The following BTAF1 variants were observed in gnomAD, a reference collection of about 807,000 sequenced individuals.
BTAF1 encodes TATA-binding protein-associated factor 172.
In BTAF1, 38 loss-of-function variants were observed where a neutral mutation model predicts 227.1. The ratio of observed to expected loss-of-function variants is 0.17; its 90% CI spans 0.13 to 0.22. The LOEUF is 0.22. BTAF1 is among the 10% of genes least tolerant of loss of function. BTAF1 has a pLI of 1.00. For synonymous variants in BTAF1, 742 were observed against 751.9 expected, an observed-to-expected ratio of 0.99 and a Z score of 0.21; for missense variants, 1,598 against 2,204.0, an observed-to-expected ratio of 0.73 and a Z score of 5.51.
In BTAF1 at chr10:91,966,728, C is replaced by G; in HGVS notation, c.1621C>G (p.Leu541Val). 1 of 1,614,000 alleles carries G rather than the reference C, an allele frequency of 6.2e-7. No homozygotes were observed. The highest frequency in any genetic ancestry group is 2.2e-5 in the East Asian group (1 of 44,864). Residue 541 changes from leucine (L) to valine (V), a missense_variant, in exon 14 of 38, where the codon CTG becomes GTG. This residue lies in a region of BTAF1 where 318 missense variants were observed against 435.0 expected (regional missense o/e 0.73). Coordinates refer to ENST00000265990, the MANE Select transcript of BTAF1 (RefSeq NM_003972.3). ...AGTTCGAAGAGCAGCATTGGAAACTCTGTTTACGTTATTATCAACACAGGA... is the reference window on the plus strand; with the variant it reads ...AGTTCGAAGAGCAGCATTGGAAACTGTGTTTACGTTATTATCAACACAGGA... ...SSVRRAALET[L>V]FTLLSTQDQN...
chr10:91,958,978 C>G, intron 8 of BTAF1, 87 bp from the exon 9 acceptor site: 2 of 1,148,142 alleles, frequency 1.7e-6, no homozygotes, highest in South Asian at 1.4e-5. Context: ...TCTTAAAAAT[C>G]CAGTATCCCT....
At chr10:92,014,829 T>TA (rs1294889025) in intron 32 of BTAF1, among the ~76,000 whole-genome samples, 5 of 152,180 alleles carry the variant, frequency 3.3e-5, no homozygotes, top group Non-Finnish European at 7.3e-5. Context: ...AGAGTGTACT[T>TA]ACACACACCT....
intron 35 of BTAF1, among the ~76,000 whole-genome samples, chr10:92,025,477 G>A (rs1851433803): frequency 6.6e-6 from 1 of 151,590 alleles, no homozygotes; most frequent in South Asian, 2.1e-4. Context: ...GTTCTGCTTA[G>A]TCCCAAAGCT....
Position 91,994,293 on chromosome 10 carries a change from CTG to C in BTAF1, c.3200-240_3200-239del, listed in dbSNP as rs1453577949. 2.1e-5 allele frequency among the ~76,000 whole-genome samples: 3 copies of C among 143,698 alleles called. No homozygotes were observed. The Admixed American group carries it at 2.1e-4, about 10-fold the overall frequency. The allele number at this position is 143,698 out of a possible 152,430, so 94.3% of individuals were successfully genotyped here. A position where few individuals can be genotyped will look rare whatever the true frequency, so the allele number is the denominator to read the frequency against. ...GCAGCCTGGATGACAGAGCGAGACTCTGTCTCAAAAAAAAAAAAAATTGTTTT... is the reference window on the plus strand; with the variant it reads ...GCAGCCTGGATGACAGAGCGAGACTCTCTCAAAAAAAAAAAAAATTGTTTT... On this transcript the variant is annotated intron_variant, in intron 22 of 37. Transcript: ENST00000265990.
intron 14 of BTAF1, among the ~76,000 whole-genome samples, chr10:91,969,831 G>A (rs994726045): frequency 3.9e-5 from 6 of 151,974 alleles, no homozygotes; most frequent in Admixed American, 3.9e-4. Context: ...GGGCATGATG[G>A]TGTCTGCCTG....
chr10:91,976,299 C>G (rs1008296859), intron 14 of BTAF1, among the ~76,000 whole-genome samples: 6 of 152,178 alleles, frequency 3.9e-5, no homozygotes, highest in Admixed American at 6.5e-5. Context: ...TGTGCACTCA[C>G]CAACCCATAA....
In BTAF1 at chr10:91,939,984, T is replaced by A; in HGVS notation, c.171T>A (p.Asp57Glu). The change falls in exon 3 of 38, where the codon GAT (aspartate) becomes GAA (glutamate). Residue 57 changes from aspartate to glutamate, a missense_variant. Physicochemically the swap from Asp to Glu is conservative, Grantham distance 45 (BLOSUM62 2). Coordinates refer to ENST00000265990, the MANE Select transcript of BTAF1 (RefSeq NM_003972.3). ...VLIYLRSANW[D>E]TRIAAGQAVE... ...TATATTTAAGGAGTGCAAATTGGGA[T>A]ACCCGGATTGCAGCAGGACAAGCTG... The A allele has an allele frequency of 6.2e-7, 1 of 1,612,918 alleles. No individual in the cohort carries two copies. The highest frequency in any genetic ancestry group is 8.5e-7 in the Non-Finnish European group (1 of 1,179,178).
chr10:92,009,195 A>G lies in BTAF1; in HGVS notation c.4090A>G (p.Thr1364Ala). The G allele has an allele frequency of 6.2e-7, 1 of 1,613,870 alleles. No homozygotes were observed. The highest frequency in any genetic ancestry group is 8.5e-7 in the Non-Finnish European group (1 of 1,179,888). The change falls in exon 28 of 38, where the codon ACT (threonine) becomes GCT (alanine). Residue 1364 changes from threonine to alanine, a missense_variant. Coordinates refer to ENST00000265990, the MANE Select transcript of BTAF1 (RefSeq NM_003972.3). The stretch of plus-strand genomic sequence containing the variant: ...CCCGTTGCATTACACTGGACCTCCC[A>G]CTGAAAGAATAAGGTAAGAGTTGTA... ...LNPLHYTGPP[T>A]ERIRLQHQVK...
chr10:91,932,275 G>A (rs1232281498), intron 1 of BTAF1, among the ~76,000 whole-genome samples: 2 of 152,192 alleles, frequency 1.3e-5, no homozygotes, highest in Non-Finnish European at 2.9e-5. Context: ...TGGGACAAGC[G>A]TAACTGCCTC....
rs746787818 is a variant in BTAF1, at chr10:92,013,909, T to C, written c.4464T>C (p.Ala1488=). ...SSREQEAGVL[A]MDALHRQVLP... Reference sequence around the variant, plus strand: ...TTTAACTATTAACAGGTGTTCTTGCTATGGATGCGCTGCACCGCCAAGTAC... The same window carrying C: ...TTTAACTATTAACAGGTGTTCTTGCCATGGATGCGCTGCACCGCCAAGTAC... Residue 1488 remains alanine, a synonymous_variant, in exon 32 of 38, where the codon GCT becomes GCC. Transcript: ENST00000265990. The C allele has an allele frequency of 6.2e-7, 1 of 1,613,676 alleles. No individual in the cohort carries two copies. Among genetic ancestry groups the C allele is most frequent in the East Asian group, 2.2e-5 (1 of 44,876 alleles).
At chr10:91,978,103 C>G (rs1589859574) in intron 14 of BTAF1, among the ~76,000 whole-genome samples, 1 of 152,150 alleles carries the variant, frequency 6.6e-6, no homozygotes, top group Non-Finnish European at 1.5e-5. Context: ...TGTCATGTAT[C>G]CACAATTACA....
chr10:91,933,003 G>A (rs1844376308), intron 1 of BTAF1, among the ~76,000 whole-genome samples: 1 of 152,152 alleles, frequency 6.6e-6, no homozygotes, highest in South Asian at 2.1e-4. Flanking sequence ...GCTGCCTGCT[G>A]TTGCAGTGAG....
intron 14 of BTAF1, among the ~76,000 whole-genome samples, chr10:91,979,748 T>C (rs1389778903): frequency 3.3e-5 from 5 of 152,126 alleles, no homozygotes; most frequent in Non-Finnish European, 7.4e-5. Flanking sequence ...ACATTAGATA[T>C]TTGGTGAAGC....
chr10:91,975,142 A>C (rs1847594729), intron 14 of BTAF1, among the ~76,000 whole-genome samples: 1 of 152,160 alleles, frequency 6.6e-6, no homozygotes, highest in Non-Finnish European at 1.5e-5. Flanking sequence ...TTCTTTACTG[A>C]CTGGGTCAAC....
intron 17 of BTAF1, 132 bp downstream of exon 17, chr10:91,982,357 G>T: frequency 7.9e-7 from 1 of 1,262,390 alleles, no homozygotes; most frequent in Non-Finnish European, 1.1e-6. Flanking sequence ...TATAGCCTAA[G>T]GAAAAATTAG....
intron 1 of BTAF1, among the ~76,000 whole-genome samples, chr10:91,926,963 C>G (rs2133751545): frequency 6.6e-6 from 1 of 152,206 alleles, no homozygotes; most frequent in Non-Finnish European, 1.5e-5. Flanking sequence ...GTTCCTGTGT[C>G]ATCTTTTTAG....
rs190137583 is a variant in BTAF1 at position 91,996,107 on chromosome 10, C to T, written c.3310-262C>T. Among the ~76,000 whole-genome samples, 345 of 152,230 alleles carry T rather than the reference C, an allele frequency of 2.3e-3. 1 individual carries two copies. The highest frequency in any genetic ancestry group is 8.1e-3 in the African/African-American group (336 of 41,532). On this transcript the variant is annotated intron_variant, in intron 23 of 37. Coordinates refer to ENST00000265990, the MANE Select transcript of BTAF1 (RefSeq NM_003972.3). Reference sequence around the variant, plus strand: ...TTAATTTTGGAAAGAATTGAGTGTTCCTATATGCCTAAGAGATGATATGAG... The same window carrying T: ...TTAATTTTGGAAAGAATTGAGTGTTTCTATATGCCTAAGAGATGATATGAG...
chr10:92,009,888 A>AT (rs1448505534), intron 28 of BTAF1, among the ~76,000 whole-genome samples: 3 of 152,220 alleles, frequency 2.0e-5, no homozygotes, highest in East Asian at 1.9e-4. Context: ...CAGCTCATTG[A>AT]TTTTTTAAAG....
chr10:91,928,110 A>G (rs1018534490), intron 1 of BTAF1, among the ~76,000 whole-genome samples: 1 of 132,598 alleles, frequency 7.5e-6, no homozygotes, highest in Non-Finnish European at 1.7e-5. Flanking sequence ...GAAGGCAATT[A>G]GAATAATTTT....
Sources: gnomAD v4.1 joint callset for allele counts (sites outside exome capture counted in the v4.1 genomes callset) on GRCh38, gnomAD v4.1.1 for gene constraint, gnomAD v4.1.1 regional missense constraint, MANE v1.5 for transcripts, NCBI Gene and HGNC (gene_info 2026-07-23, HGNC 2026-07-21) for gene names.